The following ERAP1 variants were observed in gnomAD, a reference collection of about 807,000 sequenced individuals.
ERAP1 encodes the protein adipocyte-derived leucine aminopeptidase.
Under a neutral mutation model 103.7 loss-of-function variants are expected in ERAP1, and 86 were observed. That is an observed-to-expected ratio of 0.83 (90% CI 0.70 to 0.99). ERAP1 has a LOEUF of 0.99. Ranked by LOEUF, ERAP1 falls within the 50% of genes least tolerant of loss-of-function variation. The pLI, the probability that ERAP1 is intolerant of heterozygous loss-of-function variation, is 0.00. For missense variants in ERAP1, 1,009 were observed against 1,128.4 expected, an observed-to-expected ratio of 0.89 and a Z score of 1.52; for synonymous variants, 398 against 402.4, an observed-to-expected ratio of 0.99 and a Z score of 0.13.
intron 8 of ERAP1, 78 bp from the exon 9 acceptor site, chr5:96,790,721 A>G (rs1207898123): frequency 2.1e-6 from 3 of 1,395,608 alleles, no homozygotes; most frequent in Non-Finnish European, 3.0e-6. Flanking sequence ...TTTTGCAATA[A>G]AACACATTTC....
At chr5:96,901,556 G>A in the ERAP1 span, 2 of 1,613,952 alleles carry the variant, frequency 1.2e-6, no homozygotes, top group African/African-American at 2.7e-5. Flanking sequence ...TGACTACATG[G>A]ACTCTCCAGA....
Position 96,774,942 on chromosome 5 carries a change from T to G in ERAP1, c.*1454A>C, listed in dbSNP as rs561261896. On this transcript the variant is annotated 3_prime_UTR_variant, in exon 19 of 19. Coordinates refer to ENST00000443439, the MANE Select transcript of ERAP1 (RefSeq NM_001040458.3). ...ACCAATCATCAATCATATTCCCTTA[T>G]CTTGAAGTTTTTGCCTTATATTCAA... is the stretch of plus-strand genomic sequence containing the variant. The G allele has an allele frequency of 1.9e-5, 19 of 984,430 alleles. No individual in the cohort carries two copies. In the African/African-American group the frequency reaches 2.3e-4, roughly 12 times the overall value. 61.0% of individuals were successfully genotyped at this position (984,430 alleles called of 1,614,324 possible). A position where few individuals can be genotyped will look rare whatever the true frequency, so the allele number is the denominator to read the frequency against.
chr5:96,852,890 G>A, the ERAP1 span, among the ~76,000 whole-genome samples: 1 of 152,202 alleles, frequency 6.6e-6, no homozygotes, highest in Admixed American at 6.5e-5. Context: ...GAATTTTCAT[G>A]GCTAAACTGT....
At chr5:96,763,343 CGTGT>C (rs537007209) in intron 19 of ERAP1, 4 of 751,324 alleles carry the variant, frequency 5.3e-6, no homozygotes, top group African/African-American at 1.7e-5. Flanking sequence ...TAAAATGCCC[CGTGT>C]GTGTGTATGT....
exon 20 of ERAP1, chr5:96,762,166 G>A: frequency 5.4e-6 from 3 of 551,492 alleles, no homozygotes; most frequent in Non-Finnish European, 9.4e-6. Flanking sequence ...ATTTGGTCAA[G>A]AGAATAAACA....
chr5:96,801,878 A>C (rs2150994602), intron 2 of ERAP1, among the ~76,000 whole-genome samples: 1 of 151,106 alleles, frequency 6.6e-6, no homozygotes, highest in Admixed American at 6.6e-5. Flanking sequence ...AAAAAAAAAA[A>C]AAAATCCCCA....
At chr5:96,879,413 C>T in the ERAP1 span, among the ~76,000 whole-genome samples, 2 of 152,154 alleles carry the variant, frequency 1.3e-5, no homozygotes, top group African/African-American at 2.4e-5. Context: ...CAGATAACAG[C>T]TTAATTTCTG....
chr5:96,859,581 C>T, the ERAP1 span, among the ~76,000 whole-genome samples: 1 of 152,136 alleles, frequency 6.6e-6, no homozygotes, highest in African/African-American at 2.4e-5. Flanking sequence ...ATGCCCAGGA[C>T]AGAGCTGAGA....
the ERAP1 span, among the ~76,000 whole-genome samples, chr5:96,912,265 TA>T: frequency 1.1e-4 from 16 of 149,610 alleles, no homozygotes; most frequent in African/African-American, 3.2e-4. Context: ...TAATCATCTT[TA>T]AAAAAAAAAT....
At chr5:96,887,152 A>G in the ERAP1 span, among the ~76,000 whole-genome samples, 2 of 150,414 alleles carry the variant, frequency 1.3e-5, no homozygotes, top group African/African-American at 4.9e-5. Flanking sequence ...TTGCAAAATA[A>G]TATATTGACT....
the ERAP1 span, chr5:96,876,030 T>A: frequency 6.6e-6 from 1 of 152,454 alleles, no homozygotes; most frequent in East Asian, 1.9e-4. Flanking sequence ...GTTACAGACA[T>A]GGAAAATCTG....
At chr5:96,853,893 A>G in the ERAP1 span, among the ~76,000 whole-genome samples, 5 of 152,074 alleles carry the variant, frequency 3.3e-5, no homozygotes, top group African/African-American at 1.2e-4. Context: ...GCACCTTAGA[A>G]AAGTGAACAA....
the ERAP1 span, chr5:96,909,222 A>C: frequency 9.2e-7 from 1 of 1,082,856 alleles, no homozygotes; most frequent in East Asian, 2.5e-5. Flanking sequence ...AATCTGGAGC[A>C]GCTCGGGGGA....
the ERAP1 span, among the ~76,000 whole-genome samples, chr5:96,850,577 A>C: frequency 6.6e-6 from 1 of 152,168 alleles, no homozygotes; most frequent in Non-Finnish European, 1.5e-5. Flanking sequence ...ATAATTAAAA[A>C]GATGAAAGAT....
chr5:96,796,859 C>A (rs748587583), intron 4 of ERAP1, among the ~76,000 whole-genome samples: 2 of 152,172 alleles, frequency 1.3e-5, no homozygotes, highest in African/African-American at 4.8e-5. Context: ...AGTGCACAAT[C>A]ATACCTCATT....
chr5:96,889,011 A>G, the ERAP1 span, among the ~76,000 whole-genome samples: 6 of 152,150 alleles, frequency 3.9e-5, no homozygotes, highest in African/African-American at 1.4e-4. Flanking sequence ...TTCAAGACTG[A>G]CTTTTGCTTT....
the ERAP1 span, among the ~76,000 whole-genome samples, chr5:96,921,009 A>T: frequency 6.6e-6 from 1 of 152,262 alleles, no homozygotes; most frequent in African/African-American, 2.4e-5. Flanking sequence ...CTCTAGTAAT[A>T]TTTAAGTTAC....
the ERAP1 span, among the ~76,000 whole-genome samples, chr5:96,861,171 C>A: frequency 0.042 from 6,377 of 152,254 alleles, 195 homozygotes; most frequent in South Asian, 0.11. Context: ...CACTCCACAA[C>A]AAAGAAGGTA....
chr5:96,893,958 AC>A, the ERAP1 span, among the ~76,000 whole-genome samples: 1 of 152,198 alleles, frequency 6.6e-6, no homozygotes, highest in Non-Finnish European at 1.5e-5. Context: ...ATACCTGAGT[AC>A]TATTTACAAG....
Sources: allele counts gnomAD v4.1 joint callset (sites outside exome capture counted in the v4.1 genomes callset), GRCh38; gene constraint gnomAD v4.1.1; transcripts MANE v1.5; gene names NCBI Gene and HGNC (gene_info 2026-07-23, HGNC 2026-07-21).